The following EFCAB5 variants were observed in gnomAD, a reference collection of about 807,000 sequenced individuals.
EFCAB5 encodes the protein EF-hand calcium-binding domain-containing protein 5.
Under a neutral mutation model 167.9 loss-of-function variants are expected in EFCAB5, and 131 were observed. That is an observed-to-expected ratio of 0.78 (90% CI 0.68 to 0.90). EFCAB5 has a LOEUF of 0.90. Ranked by LOEUF, EFCAB5 falls within the 40% of genes least tolerant of loss-of-function variation. EFCAB5 has a pLI of 0.00. For missense variants in EFCAB5, 1,663 were observed against 1,745.2 expected, an observed-to-expected ratio of 0.95 and a Z score of 0.84; for synonymous variants, 574 against 602.8, an observed-to-expected ratio of 0.95 and a Z score of 0.70.
At chr17:30,045,285 C>A (rs959458805) in intron 8 of EFCAB5, among the ~76,000 whole-genome samples, 15 of 151,652 alleles carry the variant, frequency 9.9e-5, no homozygotes, top group African/African-American at 3.4e-4. Context: ...GGCAAACACC[C>A]TTCTCTACTA....
At chr17:30,096,679 T>TATATATATATATATATA (rs1567776941) in intron 22 of EFCAB5, among the ~76,000 whole-genome samples, 1 of 63,176 alleles carries the variant, frequency 1.6e-5, no homozygotes, top group African/African-American at 6.0e-5. Flanking sequence ...ATATATATAT[T>TATATATATATATATATA]TTTTTTTTTT....
chr17:29,943,541 G>GTGA, intron 2 of EFCAB5, 24 bp from the exon 3 acceptor site: 1 of 1,539,410 alleles, frequency 6.5e-7, no homozygotes, highest in Non-Finnish European at 8.8e-7. Context: ...ATTGAAATTG[G>GTGA]TGATTTTTTT....
At chr17:29,947,113 G>T (rs1461508385) in intron 3 of EFCAB5, among the ~76,000 whole-genome samples, 2 of 150,692 alleles carry the variant, frequency 1.3e-5, no homozygotes, top group Non-Finnish European at 2.9e-5. Context: ...GGCAGAGGTT[G>T]CAGTGAGCTG....
At chr17:30,022,742 T>C (rs1010915589) in intron 7 of EFCAB5, among the ~76,000 whole-genome samples, 1 of 152,226 alleles carries the variant, frequency 6.6e-6, no homozygotes, top group Admixed American at 6.5e-5. Flanking sequence ...GTCAAGTGTT[T>C]AGAAATATGT....
At chr17:29,938,807 T>C (rs2067265955), upstream of EFCAB5, among the ~76,000 whole-genome samples, 1 of 152,210 alleles carries the variant, frequency 6.6e-6, no homozygotes, top group Non-Finnish European at 1.5e-5. Context: ...CTTTTGCTAT[T>C]TCCATTACAT....
chr17:30,084,984 G>A lies in EFCAB5; in HGVS notation c.3579+1941G>A, dbSNP rs78102336. Among the ~76,000 whole-genome samples the A allele has an allele frequency of 8.8e-3, 1,340 of 151,620 alleles. 46 individuals are homozygous for A. The East Asian group carries it at 0.12, about 14-fold the overall frequency. On this transcript the variant is annotated intron_variant, in intron 18 of 22. Coordinates refer to ENST00000394835, the MANE Select transcript of EFCAB5 (RefSeq NM_198529.4). ...GTCGGTTCTGGTCATTGCTTCCCCCGTCCCCGCCCCCTCTCCCCGCCTCTT... is the reference window on the plus strand; with the variant it reads ...GTCGGTTCTGGTCATTGCTTCCCCCATCCCCGCCCCCTCTCCCCGCCTCTT...
chr17:30,018,043 G>A (rs1411148579), intron 7 of EFCAB5, among the ~76,000 whole-genome samples: 1 of 152,070 alleles, frequency 6.6e-6, no homozygotes, highest in East Asian at 1.9e-4. Context: ...CTTATATATT[G>A]AGAATGTCTG....
At chr17:30,001,775 G>A (rs141603983) in intron 7 of EFCAB5, among the ~76,000 whole-genome samples, 5 of 152,252 alleles carry the variant, frequency 3.3e-5, no homozygotes. Context: ...ATATTTTTTT[G>A]TGTAATAATA....
chr17:30,034,141 A>G, intron 7 of EFCAB5, 89 bp from the exon 8 acceptor site: 1 of 1,425,514 alleles, frequency 7.0e-7, no homozygotes, highest in Non-Finnish European at 9.5e-7. Flanking sequence ...CAGCCAATGT[A>G]TTTCATGCAC....
intron 8 of EFCAB5, among the ~76,000 whole-genome samples, chr17:30,040,582 A>G (rs1474517041): frequency 6.6e-6 from 1 of 152,228 alleles, no homozygotes; most frequent in African/African-American, 2.4e-5. Flanking sequence ...CTTAGGTGCT[A>G]TGTTGTACCA....
At chr17:30,008,716 T>A (rs528410431) in intron 7 of EFCAB5, among the ~76,000 whole-genome samples, 1 of 152,210 alleles carries the variant, frequency 6.6e-6, no homozygotes, top group South Asian at 2.1e-4. Flanking sequence ...AGGTAAAAAA[T>A]TTACAATAAT....
Position 29,983,943 on chromosome 17 carries a change from G to A in EFCAB5, c.768-9222G>A, listed in dbSNP as rs896169538. Among the ~76,000 whole-genome samples the A allele has an allele frequency of 6.6e-5, 10 of 151,970 alleles. 1 individual carries two copies. The highest frequency in any genetic ancestry group is 1.3e-4 in the Non-Finnish European group (9 of 68,000). On this transcript the variant is annotated intron_variant, in intron 4 of 22. Transcript: ENST00000394835. Reference sequence around the variant, plus strand: ...GGAGAAAAATATTTCAAGCAGATGGGAAAATGACAGAAAACCAATTTTGTG... The same window carrying A: ...GGAGAAAAATATTTCAAGCAGATGGAAAAATGACAGAAAACCAATTTTGTG...
intron 20 of EFCAB5, 130 bp from the exon 21 acceptor site, chr17:30,091,741 C>A: frequency 9.8e-7 from 1 of 1,017,414 alleles, no homozygotes; most frequent in Non-Finnish European, 1.4e-6. Flanking sequence ...TGTTTAAAAC[C>A]AAAGGCTATG....
intron 7 of EFCAB5, among the ~76,000 whole-genome samples, chr17:30,024,514 C>T (rs1452032864): frequency 1.3e-5 from 2 of 152,126 alleles, no homozygotes; most frequent in Non-Finnish European, 1.5e-5. Flanking sequence ...CTACAAACCA[C>T]TGCTCAATGA....
chr17:29,933,966 GA>G (rs1375327314), intron 1 of EFCAB5, among the ~76,000 whole-genome samples: 1 of 151,968 alleles, frequency 6.6e-6, no homozygotes, highest in African/African-American at 2.4e-5. Context: ...GGGGCTTGGT[GA>G]AAAAAATTGT....
At chr17:30,057,571 T>G (rs930685864) in intron 12 of EFCAB5, 105 bp from the exon 13 acceptor site, 13 of 934,150 alleles carry the variant, frequency 1.4e-5, no homozygotes, top group Non-Finnish European at 2.1e-5. Flanking sequence ...CATGGATTCC[T>G]GACAGTCAAA....
At chr17:29,937,092 T>C (rs2151508511), upstream of EFCAB5, among the ~76,000 whole-genome samples, 1 of 152,322 alleles carries the variant, frequency 6.6e-6, no homozygotes, top group Non-Finnish European at 1.5e-5. Context: ...TGATAAAATT[T>C]ACAGTAATCC....
chr17:30,064,691 C>T (rs1197261533), intron 14 of EFCAB5, among the ~76,000 whole-genome samples: 1 of 152,084 alleles, frequency 6.6e-6, no homozygotes, highest in Non-Finnish European at 1.5e-5. Flanking sequence ...ATAGATACAG[C>T]CTAAAATTCC....
At chr17:29,997,849 G>A (rs952667021) in intron 6 of EFCAB5, among the ~76,000 whole-genome samples, 1 of 151,910 alleles carries the variant, frequency 6.6e-6, no homozygotes, top group Non-Finnish European at 1.5e-5. Flanking sequence ...CTCCCTGGGA[G>A]GAAAGGAGGA....
Sources: gnomAD v4.1 joint callset for allele counts (sites outside exome capture counted in the v4.1 genomes callset) on GRCh38, gnomAD v4.1.1 for gene constraint, MANE v1.5 for transcripts, NCBI Gene and HGNC (gene_info 2026-07-23, HGNC 2026-07-21) for gene names.